The following CSMD1 variants were observed in gnomAD, a reference collection of about 807,000 sequenced individuals.
CSMD1 encodes the protein CUB and sushi domain-containing protein 1.
A neutral mutation model predicts 417.5 loss-of-function variants in CSMD1; 213 were observed. The observed-to-expected ratio is 0.51, with a 90% CI of 0.46 to 0.57. CSMD1 has a LOEUF of 0.57. CSMD1 is among the 20% of genes least tolerant of loss of function. CSMD1 has a pLI of 0.00. For synonymous variants in CSMD1, 2,862 were observed against 1,736.8 expected, an observed-to-expected ratio of 1.65 and a Z score of -16.11; for missense variants, 6,923 against 4,529.7, an observed-to-expected ratio of 1.53 and a Z score of -15.17.
chr8:3,162,404 T>C (rs1819954048), intron 37 of CSMD1, 127 bp from the exon 38 acceptor site: 5 of 656,722 alleles, frequency 7.6e-6, no homozygotes, highest in South Asian at 7.3e-5. Flanking sequence ...ACTCTTTCTC[T>C]TGTTATTCTA....
chr8:4,608,090 G>A (rs1277944990), intron 2 of CSMD1, among the ~76,000 whole-genome samples: 2 of 152,134 alleles, frequency 1.3e-5, no homozygotes, highest in Non-Finnish European at 1.5e-5. Context: ...TGGTGTATTC[G>A]AAACCAACAA....
At chr8:4,029,326 G>A (rs994921894) in intron 4 of CSMD1, among the ~76,000 whole-genome samples, 1 of 152,184 alleles carries the variant, frequency 6.6e-6, no homozygotes, top group Non-Finnish European at 1.5e-5. Context: ...GCATACCCAA[G>A]AATGGGCAAT....
chr8:4,567,984 G>A (rs1487671807), intron 2 of CSMD1, among the ~76,000 whole-genome samples: 1 of 152,092 alleles, frequency 6.6e-6, no homozygotes, highest in Non-Finnish European at 1.5e-5. Flanking sequence ...ATTTAACTTT[G>A]AGTATCAGTG....
chr8:3,204,045 T>C (rs1266407043), intron 31 of CSMD1, among the ~76,000 whole-genome samples: 1 of 152,176 alleles, frequency 6.6e-6, no homozygotes, highest in Non-Finnish European at 1.5e-5. Context: ...AGTTTATTTA[T>C]CAGGAAAGAG....
chr8:4,243,134 C>T (rs974411838), intron 3 of CSMD1, among the ~76,000 whole-genome samples: 2 of 151,880 alleles, frequency 1.3e-5, no homozygotes, highest in African/African-American at 4.8e-5. Flanking sequence ...ACAAATTGAG[C>T]AGTTGGAAAA....
intron 8 of CSMD1, among the ~76,000 whole-genome samples, chr8:3,611,625 G>C (rs895707820): frequency 6.6e-6 from 1 of 152,076 alleles, no homozygotes; most frequent in Non-Finnish European, 1.5e-5. Context: ...ACGAAAATTA[G>C]AAAATTTTCA....
chr8:3,075,286 T>C (rs1585284703), intron 49 of CSMD1, among the ~76,000 whole-genome samples: 2 of 149,768 alleles, frequency 1.3e-5, no homozygotes, highest in Admixed American at 6.6e-5. Flanking sequence ...CTTTCTTTTT[T>C]TTTTTTTTTA....
At chr8:3,527,621 T>C (rs188643219) in intron 10 of CSMD1, among the ~76,000 whole-genome samples, 1 of 152,022 alleles carries the variant, frequency 6.6e-6, no homozygotes, top group Non-Finnish European at 1.5e-5. Context: ...TAAGAGTCCA[T>C]GAATCTGGTG....
chr8:3,773,867 C>T (rs773123159), intron 5 of CSMD1, among the ~76,000 whole-genome samples: 9 of 152,096 alleles, frequency 5.9e-5, no homozygotes, highest in African/African-American at 9.7e-5. Context: ...TTGATCATTA[C>T]TATGTTGCTG....
At chr8:3,396,424 C>A (rs751911061) in intron 16 of CSMD1, 43 bp from the exon 17 acceptor site, 3 of 1,393,614 alleles carry the variant, frequency 2.2e-6, no homozygotes, top group Admixed American at 2.5e-5. Flanking sequence ...TGCAGAACTG[C>A]CAGCTTACAG....
intron 28 of CSMD1, among the ~76,000 whole-genome samples, chr8:3,221,293 A>G (rs1329631231): frequency 2.6e-5 from 4 of 152,190 alleles, no homozygotes; most frequent in Admixed American, 6.5e-5. Flanking sequence ...TAGTCTGTTT[A>G]TTTGACAAGT....
chr8:4,041,147 G>T (rs1299796994), intron 3 of CSMD1, among the ~76,000 whole-genome samples: 1 of 151,148 alleles, frequency 6.6e-6, no homozygotes, highest in Non-Finnish European at 1.5e-5. Context: ...CTCCCGAGTA[G>T]CTGGGACTAC....
At position 4,841,690 on chromosome 8, in the gene CSMD1, C is replaced by G. The variant is rs111599729; in HGVS notation, c.85+152642G>C. Among the ~76,000 whole-genome samples the G allele has an allele frequency of 5.2e-3, 787 of 152,058 alleles. 2 individuals are homozygous for G. The highest frequency in any genetic ancestry group is 8.4e-3 in the Non-Finnish European group (573 of 67,996). On this transcript the variant is annotated intron_variant, in intron 1 of 69. Coordinates refer to ENST00000635120, the MANE Select transcript of CSMD1 (RefSeq NM_033225.6). ...GTTTGGGAGGCTGAGGCAGGCGGAT[C>G]ATCTGAGGTCAGGAGTTGGAGACAA...
At chr8:4,623,250 T>A (rs1446001385) in intron 2 of CSMD1, among the ~76,000 whole-genome samples, 7 of 152,096 alleles carry the variant, frequency 4.6e-5, no homozygotes. Context: ...CTAATATTAT[T>A]GGTCATCAGG....
At chr8:3,029,191 C>A (rs1029740059) in intron 51 of CSMD1, 128 bp downstream of exon 51, 3 of 621,636 alleles carry the variant, frequency 4.8e-6, no homozygotes, top group Non-Finnish European at 7.6e-6. Flanking sequence ...AAAGACAGGC[C>A]ATTTGTTCTT....
chr8:4,338,721 C>T (rs1800311469), intron 3 of CSMD1, among the ~76,000 whole-genome samples: 1 of 152,070 alleles, frequency 6.6e-6, no homozygotes, highest in Admixed American at 6.6e-5. Flanking sequence ...TTTTTTAACT[C>T]AGATTTTTTT....
chr8:4,068,903 T>C lies in CSMD1; in HGVS notation c.416-36804A>G, dbSNP rs148164821. Among the ~76,000 whole-genome samples the C allele has an allele frequency of 5.6e-4, 86 of 152,354 alleles. No individual in the cohort carries two copies. In the East Asian group the frequency reaches 7.3e-3, roughly 13 times the overall value. ...TATGTATGTAAAAATATGGTTATAA[T>C]AACCAAATAATAATTATAATTTTGT... On this transcript the variant is annotated intron_variant, in intron 3 of 69. Coordinates refer to ENST00000635120, the MANE Select transcript of CSMD1 (RefSeq NM_033225.6).
intron 3 of CSMD1, among the ~76,000 whole-genome samples, chr8:4,122,022 C>A (rs919241217): frequency 2.0e-5 from 3 of 151,746 alleles, no homozygotes; most frequent in Admixed American, 6.6e-5. Context: ...AATTTTAAAT[C>A]TATAAACTTT....
chr8:2,991,457 A>T (rs1468364638), intron 54 of CSMD1, among the ~76,000 whole-genome samples: 2 of 152,182 alleles, frequency 1.3e-5, no homozygotes, highest in African/African-American at 2.4e-5. Flanking sequence ...AACCAGAATC[A>T]TTTTCTAAAA....
Sources: gnomAD v4.1 joint callset for allele counts (sites outside exome capture counted in the v4.1 genomes callset) on GRCh38, gnomAD v4.1.1 for gene constraint, MANE v1.5 for transcripts, NCBI Gene and HGNC (gene_info 2026-07-23, HGNC 2026-07-21) for gene names.